ZNF521: variants seen among roughly 807,000 people sequenced by gnomAD.
ZNF521 encodes zinc finger protein 521, also known as LYST-interacting protein 3.
ZNF521 carries 14 observed loss-of-function variants against 105.5 expected under a neutral mutation model. The observed-to-expected ratio is 0.13, with a 90% CI of 0.09 to 0.21. The LOEUF (loss-of-function observed/expected upper bound fraction) is 0.21, where lower values mean the gene tolerates loss of function less well. Among genes scored for constraint, ZNF521 ranks in the 10% least tolerant of loss-of-function variants. The probability of loss-of-function intolerance (pLI) is 1.00; values close to 1 mark genes in which losing one functional copy is unlikely to be tolerated. For synonymous variants in ZNF521, 635 were observed against 606.0 expected (o/e 1.05, Z -0.70); for missense variants, 1,233 against 1,629.7 (o/e 0.76, Z 4.19).
intron 3 of ZNF521, among the ~76,000 whole-genome samples, chr18:25,272,969 G>A (rs1909766215): frequency 6.6e-6 from 1 of 151,924 alleles, no homozygotes; most frequent in African/African-American, 2.4e-5. Flanking sequence ...GCTCACGCCT[G>A]TAATCCCAGC....
intron 2 of ZNF521, among the ~76,000 whole-genome samples, chr18:25,337,991 G>C (rs1326178079): frequency 2.0e-5 from 3 of 152,110 alleles, no homozygotes; most frequent in Admixed American, 1.3e-4. Flanking sequence ...GGACAACATA[G>C]AGACCTCCCG....
intron 5 of ZNF521, among the ~76,000 whole-genome samples, chr18:25,140,399 A>G (rs1218633983): frequency 6.6e-6 from 1 of 152,242 alleles, no homozygotes; most frequent in Admixed American, 6.5e-5. Context: ...TGGGGATGAC[A>G]TTTATTTTAA....
At position 25,225,675 on chromosome 18, in the gene ZNF521, T is replaced by C; in HGVS notation, c.2243A>G (p.Glu748Gly). 2 of 1,614,198 alleles carry C rather than the reference T, an allele frequency of 1.2e-6. No individual in the cohort carries two copies. Among genetic ancestry groups the C allele is most frequent in the Non-Finnish European group, 1.7e-6 (2 of 1,180,024 alleles). ...QLHLAVKHSN[E>G]KKVYRCTSCN... ...AGATGTGCACCTATAGACTTTCTTT[T>C]CGTTACTGTGCTTCACAGCCAAGTG... Residue 748 changes from glutamate (E) to glycine (G), a missense_variant, in exon 4 of 8, where the codon GAA becomes GGA. Physicochemically the swap from Glu to Gly is moderately conservative, Grantham distance 98 (BLOSUM62 -2). Transcript: ENST00000361524. The surrounding 1 kb of genome is among the most constrained non-coding windows in gnomAD (Gnocchi z 5.6).
Position 25,239,385 on chromosome 18 carries a change from G to T in ZNF521, c.221-11688C>A, listed in dbSNP as rs185309342. On this transcript the variant is annotated intron_variant, in intron 3 of 7. Transcript: ENST00000361524. ...TTCTGAGTAGACAGCCGTGTTTCAA[G>T]TGTGTACATGAAAAAGTCTGTCTGC... Among the ~76,000 whole-genome samples the T allele has an allele frequency of 2.2e-3, 334 of 152,318 alleles. 5 individuals carry two copies. Among genetic ancestry groups the T allele is most frequent in the Non-Finnish European group, 7.4e-4 (50 of 68,020 alleles).
chr18:25,095,096 G>T (rs1444085480), intron 5 of ZNF521, among the ~76,000 whole-genome samples: 1 of 152,034 alleles, frequency 6.6e-6, no homozygotes, highest in Non-Finnish European at 1.5e-5. Context: ...GGGTGGGGGG[G>T]ATCTGGCTGA....
intron 3 of ZNF521, among the ~76,000 whole-genome samples, chr18:25,259,195 A>T (rs184040772): frequency 9.2e-5 from 14 of 152,162 alleles, no homozygotes; most frequent in Admixed American, 4.6e-4. Flanking sequence ...CTTTTTACCC[A>T]GCGTAGGTAC....
intron 5 of ZNF521, among the ~76,000 whole-genome samples, chr18:25,126,349 A>C (rs1184620452): frequency 6.9e-6 from 1 of 144,230 alleles, no homozygotes; most frequent in Non-Finnish European, 1.6e-5. Context: ...TAATATTATA[A>C]ATTTAAATGA....
intron 3 of ZNF521, among the ~76,000 whole-genome samples, chr18:25,237,895 G>A (rs1338625980): frequency 2.0e-5 from 3 of 152,182 alleles, no homozygotes; most frequent in South Asian, 4.1e-4. Flanking sequence ...GAAAGTCAAG[G>A]CTGTCATTCC....
chr18:25,113,588 G>A (rs561963783), intron 5 of ZNF521, among the ~76,000 whole-genome samples: 44 of 152,064 alleles, frequency 2.9e-4, no homozygotes, highest in Admixed American at 2.8e-3. Flanking sequence ...AATTTAGAGA[G>A]GGAGAAAAGG....
At chr18:25,322,301 G>A (rs777675690) in intron 2 of ZNF521, 114 bp from the exon 3 acceptor site, 1 of 1,041,724 alleles carries the variant, frequency 9.6e-7, no homozygotes, top group Admixed American at 1.7e-5. Context: ...GTTGCAATAG[G>A]AGGGCTTCAT....
intron 3 of ZNF521, among the ~76,000 whole-genome samples, chr18:25,295,555 C>A (rs1483675125): frequency 1.3e-5 from 2 of 151,196 alleles, no homozygotes; most frequent in Non-Finnish European, 2.9e-5. Flanking sequence ...CATTGCATGC[C>A]CGTATCAAAA....
At chr18:25,160,389 A>T (rs2035228765) in intron 5 of ZNF521, among the ~76,000 whole-genome samples, 1 of 152,174 alleles carries the variant, frequency 6.6e-6, no homozygotes, top group Admixed American at 6.5e-5. Context: ...CATGTGGCCA[A>T]ATTCCACACT....
In ZNF521 at chr18:25,116,628, C is replaced by A. The variant is rs916494099; in HGVS notation, c.3659-24547G>T. 1.6e-4 allele frequency among the ~76,000 whole-genome samples: 25 copies of A among 151,948 alleles called. 1 individual carries two copies. The highest frequency in any genetic ancestry group is 6.6e-4 in the Admixed American group (10 of 15,256). On this transcript the variant is annotated intron_variant, in intron 5 of 7. Transcript: ENST00000361524. ...CAGACAAAAGACAAACAATCATCAACCTGAAGGCATTAGCATGTGAATAAA... is the reference window on the plus strand; with the variant it reads ...CAGACAAAAGACAAACAATCATCAAACTGAAGGCATTAGCATGTGAATAAA...
At chr18:25,237,277 T>G (rs1040103873) in intron 3 of ZNF521, among the ~76,000 whole-genome samples, 2 of 152,186 alleles carry the variant, frequency 1.3e-5, no homozygotes, top group African/African-American at 4.8e-5. Context: ...TTTAGGTAAC[T>G]CTCATTACAA....
At chr18:25,239,979 A>G (rs1005694355) in intron 3 of ZNF521, among the ~76,000 whole-genome samples, 1 of 150,954 alleles carries the variant, frequency 6.6e-6, no homozygotes, top group Admixed American at 6.6e-5. Context: ...TTTTCAAGCC[A>G]TCTTATCTTA....
intron 3 of ZNF521, among the ~76,000 whole-genome samples, chr18:25,292,628 T>G (rs1600266943): frequency 6.6e-6 from 1 of 152,146 alleles, no homozygotes; most frequent in East Asian, 1.9e-4. Context: ...TAGGTGGGTA[T>G]GGATAGTGGA....
intron 5 of ZNF521, among the ~76,000 whole-genome samples, chr18:25,177,421 T>G (rs575473293): frequency 6.6e-6 from 1 of 152,136 alleles, no homozygotes; most frequent in Admixed American, 6.5e-5. Flanking sequence ...AAAACTTGAG[T>G]AGGAAAAACG....
chr18:25,241,921 T>C (rs1047088008), intron 3 of ZNF521, among the ~76,000 whole-genome samples: 1 of 152,202 alleles, frequency 6.6e-6, no homozygotes, highest in Non-Finnish European at 1.5e-5. Context: ...TATGCGTGCT[T>C]TTAACAAGTA....
chr18:25,343,982 C>G (rs1031207030), intron 2 of ZNF521, among the ~76,000 whole-genome samples: 15 of 152,054 alleles, frequency 9.9e-5, no homozygotes, highest in African/African-American at 3.6e-4. Context: ...CCCACAAGAT[C>G]AGCCCAGTGC....
Sources: allele counts gnomAD v4.1 joint callset (sites outside exome capture counted in the v4.1 genomes callset), GRCh38; gene constraint gnomAD v4.1.1; non-coding constraint Gnocchi (gnomAD v3.1); transcripts MANE v1.5; gene names NCBI Gene and HGNC (gene_info 2026-07-23, HGNC 2026-07-21).